PDE4B: variants seen among roughly 807,000 people sequenced by gnomAD.
The protein encoded by PDE4B is 3',5'-cyclic-AMP phosphodiesterase 4B.
In PDE4B, 20 loss-of-function variants were observed where a neutral mutation model predicts 82.2. The observed-to-expected ratio is 0.24, with a 90% CI of 0.17 to 0.35. The LOEUF (loss-of-function observed/expected upper bound fraction) is 0.35, where lower values mean the gene tolerates loss of function less well. Among genes scored for constraint, PDE4B ranks in the 10% least tolerant of loss-of-function variants. PDE4B has a pLI of 1.00. For missense variants in PDE4B, 655 were observed against 907.2 expected, an observed-to-expected ratio of 0.72 and a Z score of 3.57; for synonymous variants, 320 against 318.9, an observed-to-expected ratio of 1.00 and a Z score of -0.04.
chr1:65,827,177 C>T (rs918033450), intron 1 of PDE4B, among the ~76,000 whole-genome samples: 6 of 152,076 alleles, frequency 3.9e-5, no homozygotes, highest in Middle Eastern at 3.4e-3. Flanking sequence ...GCTCACTCAT[C>T]GTCAAGCATT....
At chr1:66,296,082 T>C (rs553299272) in intron 7 of PDE4B, among the ~76,000 whole-genome samples, 141 of 152,284 alleles carry the variant, frequency 9.3e-4, no homozygotes, top group African/African-American at 3.2e-3. Flanking sequence ...ACGTCTCTTA[T>C]TAGGGCTGTT....
intron 7 of PDE4B, among the ~76,000 whole-genome samples, chr1:66,316,310 A>T (rs775385663): frequency 4.6e-5 from 7 of 152,262 alleles, no homozygotes; most frequent in Non-Finnish European, 8.8e-5. Context: ...ATTCAAGGAA[A>T]TCTTCCAAAC....
intron 1 of PDE4B, among the ~76,000 whole-genome samples, chr1:65,815,774 TAAC>T (rs1261036686): frequency 6.6e-6 from 1 of 152,150 alleles, no homozygotes; most frequent in African/African-American, 2.4e-5. Context: ...CAGTCAATAA[TAAC>T]AATCCTACTC....
At chr1:66,056,193 T>C (rs1156786439) in intron 3 of PDE4B, among the ~76,000 whole-genome samples, 1 of 152,132 alleles carries the variant, frequency 6.6e-6, no homozygotes, top group Non-Finnish European at 1.5e-5. Flanking sequence ...ATAGATGAAA[T>C]GTTTCATTTT....
intron 3 of PDE4B, among the ~76,000 whole-genome samples, chr1:66,149,401 A>G (rs959231821): frequency 6.6e-6 from 1 of 152,070 alleles, no homozygotes; most frequent in Non-Finnish European, 1.5e-5. Context: ...CTCCTATTCT[A>G]TGGATTGTCT....
At chr1:65,816,697 G>A (rs1486001975) in intron 1 of PDE4B, among the ~76,000 whole-genome samples, 6 of 152,026 alleles carry the variant, frequency 3.9e-5, no homozygotes, top group African/African-American at 1.4e-4. Flanking sequence ...TACTATTAAA[G>A]CCATGAAAAT....
intron 3 of PDE4B, among the ~76,000 whole-genome samples, chr1:66,129,119 C>G (rs1275804448): frequency 2.0e-5 from 3 of 152,152 alleles, no homozygotes; most frequent in Non-Finnish European, 4.4e-5. Context: ...TTGGCCTTGC[C>G]CATGTGAGTG....
intron 3 of PDE4B, among the ~76,000 whole-genome samples, chr1:66,095,090 T>A (rs2101003070): frequency 6.6e-6 from 1 of 152,074 alleles, no homozygotes; most frequent in East Asian, 1.9e-4. Context: ...TTTGAGTTCT[T>A]AATTACTATT....
At chr1:65,847,158 CTAA>C (rs1301399769) in intron 1 of PDE4B, among the ~76,000 whole-genome samples, 1 of 152,192 alleles carries the variant, frequency 6.6e-6, no homozygotes, top group East Asian at 1.9e-4. Flanking sequence ...CAAAATAACA[CTAA>C]TAATAACAAC....
At chr1:66,326,892 C>A (rs890995613) in intron 7 of PDE4B, among the ~76,000 whole-genome samples, 2 of 152,104 alleles carry the variant, frequency 1.3e-5, no homozygotes, top group African/African-American at 4.8e-5. Context: ...CTTAAGGTTT[C>A]AAAGTTAAAT....
chr1:66,183,641 G>A (rs72922379), intron 3 of PDE4B, among the ~76,000 whole-genome samples: 5,996 of 152,218 alleles, frequency 0.039, 229 homozygotes, highest in African/African-American at 0.1. Context: ...GCATTTGTTA[G>A]ACAAAACTAT....
intron 3 of PDE4B, among the ~76,000 whole-genome samples, chr1:66,126,789 CA>C: frequency 6.6e-6 from 1 of 152,198 alleles, no homozygotes; most frequent in Non-Finnish European, 1.5e-5. Flanking sequence ...TTTTTAATTA[CA>C]AAAGCAAAAA....
intron 7 of PDE4B, among the ~76,000 whole-genome samples, chr1:66,283,536 C>A (rs1162052726): frequency 7.0e-6 from 1 of 143,104 alleles, no homozygotes; most frequent in Non-Finnish European, 1.5e-5. Flanking sequence ...TCTGATGGAT[C>A]CTTGGTAGAA....
chr1:66,051,973 T>C (rs1261771125), intron 3 of PDE4B, among the ~76,000 whole-genome samples: 2 of 148,360 alleles, frequency 1.3e-5, no homozygotes, highest in African/African-American at 2.5e-5. Context: ...TATAAAGGTA[T>C]GGCCATCTTC....
intron 1 of PDE4B, among the ~76,000 whole-genome samples, chr1:65,826,561 A>G (rs1421554087): frequency 2.0e-5 from 3 of 152,150 alleles, no homozygotes; most frequent in African/African-American, 7.2e-5. Context: ...TGGGGGAAGG[A>G]ATAGTAGCCA....
chr1:66,167,085 T>G (rs557499363), intron 3 of PDE4B, among the ~76,000 whole-genome samples: 1 of 152,342 alleles, frequency 6.6e-6, no homozygotes, highest in South Asian at 2.1e-4. Context: ...AAATTGGAAC[T>G]CTCATACATT....
chr1:65,927,682 A>C (rs1647584465), intron 3 of PDE4B, among the ~76,000 whole-genome samples: 1 of 151,918 alleles, frequency 6.6e-6, no homozygotes, highest in Non-Finnish European at 1.5e-5. Context: ...GCTTCTTTCA[A>C]GTCCTTGATA....
chr1:65,898,567 A>G (rs1393359892), intron 1 of PDE4B, among the ~76,000 whole-genome samples: 1 of 152,162 alleles, frequency 6.6e-6, no homozygotes, highest in African/African-American at 2.4e-5. Flanking sequence ...TTCAAACTAT[A>G]CTATAAGGCC....
chr1:66,190,933 G>T (rs1028467662), intron 3 of PDE4B, among the ~76,000 whole-genome samples: 4 of 152,124 alleles, frequency 2.6e-5, no homozygotes, highest in African/African-American at 4.8e-5. Flanking sequence ...CGTCACTCAC[G>T]CTGGGAGCTG....
Sources: allele counts gnomAD v4.1 joint callset (sites outside exome capture counted in the v4.1 genomes callset), GRCh38; gene constraint gnomAD v4.1.1; transcripts MANE v1.5; gene names NCBI Gene and HGNC (gene_info 2026-07-23, HGNC 2026-07-21).